GALNT11: variants seen among roughly 807,000 people sequenced by gnomAD.
GALNT11 encodes the protein polypeptide N-acetylgalactosaminyltransferase 11, also known as UDP-GalNAc:polypeptide N-acetylgalactosaminyltransferase 11.
Under a neutral mutation model 72.7 loss-of-function variants are expected in GALNT11, and 47 were observed. The ratio of observed to expected loss-of-function variants is 0.65; its 90% CI spans 0.51 to 0.82. GALNT11 has a LOEUF of 0.82. GALNT11 is among the 40% of genes least tolerant of loss of function. The pLI, the probability that GALNT11 is intolerant of heterozygous loss-of-function variation, is 0.00. For missense variants in GALNT11, 677 were observed against 778.4 expected, an observed-to-expected ratio of 0.87 and a Z score of 1.55; for synonymous variants, 270 against 286.6, an observed-to-expected ratio of 0.94 and a Z score of 0.58.
intron 1 of GALNT11, among the ~76,000 whole-genome samples, chr7:152,057,740 C>T (rs1201291337): frequency 3.3e-5 from 5 of 150,984 alleles, no homozygotes; most frequent in South Asian, 4.2e-4. Flanking sequence ...CCACATATCC[C>T]ATATCCAATT....
chr7:152,048,471 T>TA (rs1322849687), intron 1 of GALNT11, among the ~76,000 whole-genome samples: 1 of 151,994 alleles, frequency 6.6e-6, no homozygotes, highest in Non-Finnish European at 1.5e-5. Context: ...CTCTTGGAAT[T>TA]AATTTTCTAC....
chr7:152,066,138 C>G (rs769871028), intron 1 of GALNT11, among the ~76,000 whole-genome samples: 2 of 152,210 alleles, frequency 1.3e-5, no homozygotes, highest in Non-Finnish European at 2.9e-5. Context: ...TCAGCAATGG[C>G]GGGCACCCCT....
intron 9 of GALNT11, 83 bp downstream of exon 9, chr7:152,117,458 G>A: frequency 7.8e-7 from 1 of 1,278,620 alleles, no homozygotes; most frequent in South Asian, 1.3e-5. Context: ...TATGACAGGT[G>A]ACACTGTGGA....
chr7:152,097,756 C>G (rs940653542), intron 2 of GALNT11, among the ~76,000 whole-genome samples: 1 of 152,134 alleles, frequency 6.6e-6, no homozygotes, highest in South Asian at 2.1e-4. Context: ...CACAAAAGGT[C>G]ACATGTTGTA....
intron 1 of GALNT11, among the ~76,000 whole-genome samples, chr7:152,078,238 A>T (rs7777854): frequency 6.6e-6 from 1 of 152,222 alleles, no homozygotes; most frequent in African/African-American, 2.4e-5. Context: ...TTTTTTAGAC[A>T]GAGTTTCACT....
At chr7:152,031,494 A>G (rs942520394) in intron 1 of GALNT11, among the ~76,000 whole-genome samples, 10 of 152,298 alleles carry the variant, frequency 6.6e-5, no homozygotes, top group Non-Finnish European at 1.0e-4. Flanking sequence ...GGCACTTACT[A>G]TGCCATTTAC....
At chr7:152,053,204 A>C (rs1342525758) in intron 1 of GALNT11, among the ~76,000 whole-genome samples, 1 of 152,108 alleles carries the variant, frequency 6.6e-6, no homozygotes, top group East Asian at 1.9e-4. Context: ...CCCTTTTTGC[A>C]TGCAGAACAA....
intron 1 of GALNT11, among the ~76,000 whole-genome samples, chr7:152,080,927 G>T (rs796865255): frequency 2.0e-5 from 3 of 152,024 alleles, no homozygotes; most frequent in Admixed American, 6.5e-5. Flanking sequence ...CCAAGATCTC[G>T]CCACTGCACT....
chr7:152,043,379 T>C (rs1406948753), intron 1 of GALNT11, among the ~76,000 whole-genome samples: 3 of 152,228 alleles, frequency 2.0e-5, no homozygotes, highest in African/African-American at 7.2e-5. Flanking sequence ...ACTGCAGCAC[T>C]ACCGGCTGTG....
chr7:152,061,931 T>C (rs1563052534), intron 1 of GALNT11, among the ~76,000 whole-genome samples: 1 of 152,238 alleles, frequency 6.6e-6, no homozygotes, highest in Non-Finnish European at 1.5e-5. Context: ...TTTGTTCTTT[T>C]GGCTTAGGAT....
intron 1 of GALNT11, among the ~76,000 whole-genome samples, chr7:152,055,585 A>G (rs1186844536): frequency 1.3e-5 from 2 of 151,398 alleles, no homozygotes; most frequent in Admixed American, 6.6e-5. Flanking sequence ...ACATATATAT[A>G]TATACACACA....
chr7:152,046,249 G>A lies in GALNT11; in HGVS notation c.-39+20365G>A, dbSNP rs551503718. Among the ~76,000 whole-genome samples, 5 of 152,242 alleles carry A rather than the reference G, an allele frequency of 3.3e-5. No homozygotes were observed. The South Asian group carries it at 1.0e-3, about 32-fold the overall frequency. On this transcript the variant is annotated intron_variant, in intron 1 of 11. Transcript: ENST00000430044. ...TGGTCTATCCTTGAGGATGATCTAT[G>A]TGTTGAGGAGAAGAATGCATATTCT... is the stretch of plus-strand genomic sequence containing the variant.
At chr7:152,087,511 T>C (rs2085725734) in intron 1 of GALNT11, among the ~76,000 whole-genome samples, 1 of 152,220 alleles carries the variant, frequency 6.6e-6, no homozygotes, top group South Asian at 2.1e-4. Context: ...CCAGATTACG[T>C]AGGGACTTGC....
intron 8 of GALNT11, 150 bp downstream of exon 8, chr7:152,113,548 C>T (rs901031683): frequency 3.7e-6 from 3 of 802,564 alleles, no homozygotes; most frequent in Non-Finnish European, 5.7e-6. Flanking sequence ...CCCCCCACCC[C>T]CTTCACCTAG....
At chr7:152,055,062 A>G (rs907929372) in intron 1 of GALNT11, among the ~76,000 whole-genome samples, 1 of 152,188 alleles carries the variant, frequency 6.6e-6, no homozygotes, top group African/African-American at 2.4e-5. Flanking sequence ...TTTGAGTCCA[A>G]AGGCAGCGCG....
Position 152,110,665 on chromosome 7 carries a change from C to A in GALNT11, c.1080+20C>A. The A allele has an allele frequency of 7.0e-7, 1 of 1,436,790 alleles. No homozygotes were observed. The highest frequency in any genetic ancestry group is 9.8e-7 in the Non-Finnish European group (1 of 1,022,670). The allele number at this position is 1,436,790 out of a possible 1,614,324, so 89.0% of individuals were successfully genotyped here. ...TTTCGGGTAATTTAATTTTTGCATG[C>A]TCAATTAATAACTGTGTAGTGGAAT... On this transcript the variant is annotated intron_variant, in intron 7 of 11. Coordinates refer to ENST00000430044, the MANE Select transcript of GALNT11 (RefSeq NM_022087.4).
intron 1 of GALNT11, chr7:152,027,618 C>T (rs1230118890): frequency 6.6e-6 from 1 of 152,596 alleles, no homozygotes; most frequent in Non-Finnish European, 1.5e-5. Flanking sequence ...CAGGAAGTGT[C>T]CCAGTCTGAC....
intron 6 of GALNT11, among the ~76,000 whole-genome samples, chr7:152,109,689 T>G (rs925553176): frequency 1.3e-5 from 2 of 152,230 alleles, no homozygotes; most frequent in Non-Finnish European, 2.9e-5. Context: ...TGTTGCTTAT[T>G]TATTTTTGCT....
intron 3 of GALNT11, among the ~76,000 whole-genome samples, chr7:152,101,828 T>G (rs1022135952): frequency 6.6e-6 from 1 of 151,342 alleles, no homozygotes; most frequent in Admixed American, 6.6e-5. Context: ...GAGATAGGGT[T>G]TCACCATGTT....
Sources: allele counts gnomAD v4.1 joint callset (sites outside exome capture counted in the v4.1 genomes callset), GRCh38; gene constraint gnomAD v4.1.1; transcripts MANE v1.5; gene names NCBI Gene and HGNC (gene_info 2026-07-23, HGNC 2026-07-21).